The following SLC25A12 variants were observed in gnomAD, a reference collection of about 807,000 sequenced individuals.
SLC25A12 encodes solute carrier family 25 member 12, also known as electrogenic aspartate/glutamate antiporter SLC25A12, mitochondrial.
Under a neutral mutation model 83.3 loss-of-function variants are expected in SLC25A12, and 32 were observed. The observed-to-expected ratio is 0.38, with a 90% CI of 0.29 to 0.52. The LOEUF (loss-of-function observed/expected upper bound fraction) is 0.52. Ranked by LOEUF, SLC25A12 falls within the 20% of genes least tolerant of loss-of-function variation. SLC25A12 has a pLI of 0.84. For synonymous variants in SLC25A12, 267 were observed against 291.1 expected (o/e 0.92, Z 0.84); for missense variants, 611 against 835.6 (o/e 0.73, Z 3.31).
intron 5 of SLC25A12, among the ~76,000 whole-genome samples, chr2:171,843,471 A>G (rs1684724832): frequency 6.6e-6 from 1 of 151,966 alleles, no homozygotes; most frequent in Non-Finnish European, 1.5e-5. Flanking sequence ...CACCTCTACT[A>G]AGAATACAAA....
At chr2:171,884,036 CTTTTT>C (rs923261236) in intron 2 of SLC25A12, among the ~76,000 whole-genome samples, 3 of 145,990 alleles carry the variant, frequency 2.1e-5, no homozygotes, top group Admixed American at 6.8e-5. Context: ...AATTTCTTTT[CTTTTT>C]TATCTTTTTT....
intron 4 of SLC25A12, chr2:171,845,844 G>A: frequency 8.8e-6 from 4 of 454,962 alleles, no homozygotes; most frequent in South Asian, 6.2e-5. Flanking sequence ...ATGGAATGCA[G>A]GATTCATTTC....
intron 14 of SLC25A12, 110 bp downstream of exon 14, chr2:171,793,517 T>G (rs1454564221): frequency 1.2e-5 from 13 of 1,124,696 alleles, no homozygotes; most frequent in Non-Finnish European, 1.3e-6. Context: ...GATTTTCTGC[T>G]CCACAGACTA....
chr2:171,834,048 C>A lies in SLC25A12; in HGVS notation c.760G>T (p.Ala254Ser), dbSNP rs1206301398. ...KDVEVTKEEF[A>S]QSAIRYGQVT... is the part of the protein sequence containing the mutation. ...TGTCCATAGCGTATGGCACTCTGGG[C>A]AAATTCCTCTGGAACAGAGAAAAAA... The change falls in exon 8 of 18, where the codon GCC becomes TCC. Residue 254 changes from alanine to serine, a missense_variant. Ala to Ser is a moderately conservative substitution (Grantham distance 99). Around this residue, in one of 3 missense-constraint regions of SLC25A12, gnomAD observed 540 missense variants for 777.5 expected, o/e 0.69. Transcript: ENST00000422440. 1.3e-6 allele frequency: 2 copies of A among 1,595,462 alleles called. No homozygotes were observed. Among genetic ancestry groups the A allele is most frequent in the South Asian group, 2.2e-5 (2 of 90,602 alleles).
chr2:171,785,268 G>A lies in SLC25A12; in HGVS notation c.*6C>T. ...CGCCATTTTGCCACACTCAACAGTT[G>A]TCTCATCACTGAGTGGCTGCCACTG... is the stretch of plus-strand genomic sequence containing the variant. On this transcript the variant is annotated 3_prime_UTR_variant, in exon 18 of 18. Coordinates refer to ENST00000422440, the MANE Select transcript of SLC25A12 (RefSeq NM_003705.5). The A allele has an allele frequency of 6.2e-7, 1 of 1,613,970 alleles. No individual in the cohort carries two copies. Among genetic ancestry groups the A allele is most frequent in the Non-Finnish European group, 8.5e-7 (1 of 1,179,922 alleles).
chr2:171,886,955 T>C (rs1685835674), intron 2 of SLC25A12, among the ~76,000 whole-genome samples: 1 of 152,256 alleles, frequency 6.6e-6, no homozygotes, highest in Non-Finnish European at 1.5e-5. Flanking sequence ...CCACAAATAC[T>C]GTATCACCCT....
chr2:171,877,196 G>A (rs966311706), intron 2 of SLC25A12, among the ~76,000 whole-genome samples: 1 of 152,156 alleles, frequency 6.6e-6, no homozygotes, highest in South Asian at 2.1e-4. Context: ...ACATACAGAT[G>A]TGTATCATAA....
chr2:171,783,837 A>T lies in SLC25A12; in HGVS notation c.*1437T>A, dbSNP rs1377848304. Among the ~76,000 whole-genome samples the T allele has an allele frequency of 6.6e-6, 1 of 152,222 alleles. No individual in the cohort carries two copies. The highest frequency in any genetic ancestry group is 2.4e-5 in the African/African-American group (1 of 41,460). On this transcript the variant is annotated 3_prime_UTR_variant, in exon 18 of 18. Coordinates refer to ENST00000422440, the MANE Select transcript of SLC25A12 (RefSeq NM_003705.5). ...ATTCTTTTGTTCCTGGAGGGCCTCC[A>T]GGGAGCCTACAGTTGCAGTCACAGG...
intron 2 of SLC25A12, among the ~76,000 whole-genome samples, chr2:171,872,027 T>A (rs1057452670): frequency 2.0e-5 from 3 of 150,834 alleles, no homozygotes; most frequent in Admixed American, 6.6e-5. Flanking sequence ...AACTAATTGG[T>A]GCTACCAAAA....
At chr2:171,848,346 C>T (rs1468006792) in intron 4 of SLC25A12, 4 of 462,754 alleles carry the variant, frequency 8.6e-6, no homozygotes, top group Non-Finnish European at 1.8e-5. Flanking sequence ...ATCCTTATTC[C>T]AAGGATTCCA....
At chr2:171,817,174 G>A (rs1684070197) in intron 9 of SLC25A12, among the ~76,000 whole-genome samples, 2 of 152,132 alleles carry the variant, frequency 1.3e-5, no homozygotes, top group Non-Finnish European at 2.9e-5. Context: ...AGAAATAAAT[G>A]TTTGCTATCT....
chr2:171,860,948 T>C (rs564768201), intron 3 of SLC25A12, among the ~76,000 whole-genome samples: 1 of 151,968 alleles, frequency 6.6e-6, no homozygotes, highest in South Asian at 2.1e-4. Flanking sequence ...AAAAATTAGC[T>C]GTGCATGAGG....
chr2:171,852,214 C>G (rs1458089438), intron 4 of SLC25A12, among the ~76,000 whole-genome samples: 1 of 152,156 alleles, frequency 6.6e-6, no homozygotes, highest in Admixed American at 6.5e-5. Flanking sequence ...AATCTAAGTC[C>G]TCTCCCCAGA....
chr2:171,822,328 G>A (rs182155204), intron 9 of SLC25A12, among the ~76,000 whole-genome samples: 12 of 152,216 alleles, frequency 7.9e-5, no homozygotes, highest in East Asian at 5.8e-4. Context: ...TAATGTAAGT[G>A]TATTATTACT....
chr2:171,864,198 T>A (rs1685231395), intron 3 of SLC25A12, among the ~76,000 whole-genome samples: 1 of 152,182 alleles, frequency 6.6e-6, no homozygotes, highest in African/African-American at 2.4e-5. Flanking sequence ...CTGCCTAGTT[T>A]CTCAAAGTTT....
intron 2 of SLC25A12, among the ~76,000 whole-genome samples, chr2:171,880,883 C>T (rs920692489): frequency 2.0e-5 from 3 of 151,990 alleles, no homozygotes; most frequent in Admixed American, 2.0e-4. Context: ...GTAAAAAAGG[C>T]GAATTGTATT....
chr2:171,880,898 T>C (rs1322277661), intron 2 of SLC25A12, among the ~76,000 whole-genome samples: 1 of 152,220 alleles, frequency 6.6e-6, no homozygotes, highest in African/African-American at 2.4e-5. Context: ...TGTATTAAAA[T>C]ATATAAAGCA....
At position 171,791,017 on chromosome 2, in the gene SLC25A12, C is replaced by T. The variant is rs189608378; in HGVS notation, c.1585+434G>A. 2.0e-3 allele frequency among the ~76,000 whole-genome samples: 309 copies of T among 152,178 alleles called. 2 individuals carry two copies. The highest frequency in any genetic ancestry group is 7.2e-3 in the African/African-American group (297 of 41,516). ...TTCACGACAAAAGCTCAATTTTCGG[C>T]CAAATCATGTAGATTCCAATATACA... On this transcript the variant is annotated intron_variant, in intron 15 of 17. Transcript: ENST00000422440.
rs1403001923 is a variant in SLC25A12 at position 171,785,528 on chromosome 2, G to A, written c.1836-53C>T. 3 of 1,519,884 alleles carry A rather than the reference G, an allele frequency of 2.0e-6. No homozygotes were observed. In the African/African-American group the frequency reaches 4.1e-5, roughly 21 times the overall value. 94.1% of individuals were successfully genotyped at this position (1,519,884 alleles called of 1,614,324 possible). A position where few individuals can be genotyped will look rare whatever the true frequency, so the allele number is the denominator to read the frequency against. On this transcript the variant is annotated intron_variant, in intron 17 of 17. Coordinates refer to ENST00000422440, the MANE Select transcript of SLC25A12 (RefSeq NM_003705.5). ...AGCATGCTCAAGGTGGATGAGCGCA[G>A]CTTACAGCTGGACATTTTCGGTCTG...
Sources: gnomAD v4.1 joint callset for allele counts (sites outside exome capture counted in the v4.1 genomes callset) on GRCh38, gnomAD v4.1.1 for gene constraint, gnomAD v4.1.1 regional missense constraint, MANE v1.5 for transcripts, NCBI Gene and HGNC (gene_info 2026-07-23, HGNC 2026-07-21) for gene names.